The following TDRD5 variants were observed in gnomAD, a reference collection of about 807,000 sequenced individuals.
The protein encoded by TDRD5 is tudor domain-containing protein 5.
Under a neutral mutation model 120.6 loss-of-function variants are expected in TDRD5, and 41 were observed. The observed-to-expected ratio is 0.34, with a 90% confidence interval of 0.26 to 0.44. The LOEUF (loss-of-function observed/expected upper bound fraction) is 0.44. Ranked by LOEUF, TDRD5 falls within the 20% of genes least tolerant of loss-of-function variation. TDRD5 has a pLI of 1.00. For missense variants in TDRD5, 1,006 were observed against 1,221.2 expected, an observed-to-expected ratio of 0.82 and a Z score of 2.63; for synonymous variants, 430 against 433.7, an observed-to-expected ratio of 0.99 and a Z score of 0.11.
intron 14 of TDRD5, among the ~76,000 whole-genome samples, chr1:179,660,223 T>G (rs1314378292): frequency 7.7e-6 from 1 of 129,402 alleles, no homozygotes; most frequent in South Asian, 2.8e-4. Context: ...TTTTTTTTTT[T>G]TTTTTTTTTT....
intron 6 of TDRD5, among the ~76,000 whole-genome samples, chr1:179,628,814 A>G (rs1336854333): frequency 6.6e-6 from 1 of 152,188 alleles, no homozygotes. Context: ...TATGTAATCT[A>G]TTATGTTGAA....
At chr1:179,669,618 G>T (rs975766971) in intron 17 of TDRD5, among the ~76,000 whole-genome samples, 7 of 152,084 alleles carry the variant, frequency 4.6e-5, no homozygotes, top group Admixed American at 1.3e-4. Context: ...TTTTGCCGGA[G>T]GGGTGGGGCG....
At position 179,691,009 on chromosome 1, in the gene TDRD5, A is replaced by T. The variant is rs1681123085; in HGVS notation, c.*66A>T. The T allele has an allele frequency of 6.5e-7, 1 of 1,541,640 alleles. No individual in the cohort carries two copies. The highest frequency in any genetic ancestry group is 8.7e-7 in the Non-Finnish European group (1 of 1,150,660). ...TAGGCTTTGATGAACTCCCAGGCCA[A>T]AATGAGGAGTTATTGAAGCAAAATA... On this transcript the variant is annotated 3_prime_UTR_variant, in exon 18 of 18. Coordinates refer to ENST00000444136, the MANE Select transcript of TDRD5 (RefSeq NM_001199085.3).
intron 4 of TDRD5, among the ~76,000 whole-genome samples, chr1:179,608,461 T>C (rs1027067150): frequency 5.9e-5 from 9 of 152,068 alleles, no homozygotes; most frequent in Admixed American, 2.6e-4. Context: ...TACAATTCTC[T>C]TTTTTCCCCA....
At chr1:179,593,416 G>T (rs1335113264) in intron 2 of TDRD5, 44 bp from the exon 3 acceptor site, 14 of 1,573,504 alleles carry the variant, frequency 8.9e-6, no homozygotes, top group Non-Finnish European at 1.2e-5. Context: ...AAAGAAGGGA[G>T]TAAGTTTTCC....
intron 17 of TDRD5, among the ~76,000 whole-genome samples, chr1:179,675,058 T>C (rs987635481): frequency 2.0e-5 from 3 of 151,966 alleles, no homozygotes; most frequent in Non-Finnish European, 4.4e-5. Context: ...TGATCCTGGT[T>C]ATTTCCTTTC....
chr1:179,652,811 A>G (rs1678793112), intron 13 of TDRD5, among the ~76,000 whole-genome samples: 1 of 152,222 alleles, frequency 6.6e-6, no homozygotes, highest in Non-Finnish European at 1.5e-5. Flanking sequence ...TCACAAGTGG[A>G]AAGTTCCACA....
At chr1:179,666,277 A>G (rs1240315668) in intron 16 of TDRD5, among the ~76,000 whole-genome samples, 1 of 152,208 alleles carries the variant, frequency 6.6e-6, no homozygotes, top group African/African-American at 2.4e-5. Context: ...TTCCATTTCA[A>G]TACTTACAAA....
intron 9 of TDRD5, among the ~76,000 whole-genome samples, chr1:179,638,173 T>C (rs2102021254): frequency 7.6e-6 from 1 of 131,644 alleles, no homozygotes; most frequent in Middle Eastern, 3.7e-3. Flanking sequence ...TCTCTTATTC[T>C]GGGGAAGCAC....
intron 4 of TDRD5, among the ~76,000 whole-genome samples, chr1:179,608,392 C>T (rs924395676): frequency 1.3e-5 from 2 of 152,020 alleles, no homozygotes; most frequent in African/African-American, 2.4e-5. Flanking sequence ...TTTTGGAGTA[C>T]AATCACATCT....
At chr1:179,686,697 T>C (rs1680738205) in intron 17 of TDRD5, among the ~76,000 whole-genome samples, 1 of 152,240 alleles carries the variant, frequency 6.6e-6, no homozygotes, top group Non-Finnish European at 1.5e-5. Flanking sequence ...TGGTAGGCTA[T>C]TAATTATTGC....
chr1:179,633,191 A>G (rs1475387230), intron 7 of TDRD5, among the ~76,000 whole-genome samples: 1 of 152,180 alleles, frequency 6.6e-6, no homozygotes, highest in African/African-American at 2.4e-5. Context: ...GAAGTTATAT[A>G]TAATAATAAT....
chr1:179,633,188 T>TA (rs1427327592), intron 7 of TDRD5, among the ~76,000 whole-genome samples: 1 of 152,164 alleles, frequency 6.6e-6, no homozygotes, highest in East Asian at 1.9e-4. Flanking sequence ...TTTGAAGTTA[T>TA]ATATAATAAT....
chr1:179,609,277 T>A (rs1676156586), intron 4 of TDRD5, among the ~76,000 whole-genome samples: 1 of 152,180 alleles, frequency 6.6e-6, no homozygotes, highest in Non-Finnish European at 1.5e-5. Context: ...GGAGATGGGA[T>A]CCCAGTCTAA....
intron 1 of TDRD5, chr1:179,592,392 C>G (rs35577489): frequency 0.22 from 111,484 of 512,562 alleles, 12,788 homozygotes; most frequent in East Asian, 0.33. Context: ...GGGCAGAGTT[C>G]TTGACACCTG....
rs1206517468 is a variant in TDRD5 at position 179,663,444 on chromosome 1, G to A, written c.2602G>A (p.Val868Ile). 3 of 1,613,536 alleles carry A rather than the reference G, an allele frequency of 1.9e-6. No individual in the cohort carries two copies. The highest frequency in any genetic ancestry group is 2.5e-6 in the Non-Finnish European group (3 of 1,179,856). Residue 868 changes from valine to isoleucine, a missense_variant, in exon 16 of 18, where the codon GTA becomes ATA. Physicochemically the swap from Val to Ile is conservative, Grantham distance 29. Around this residue, in one of 3 missense-constraint regions of TDRD5, gnomAD observed 403 missense variants for 448.1 expected, o/e 0.90. Transcript: ENST00000444136. ...GTKVEVHKPE[V>I]LGAQEKNTGT... ...GAAAGTAGAAGTTCATAAGCCAGAA[G>A]TACTGGGTGCTCAGGAAAAAAATAC...
intron 4 of TDRD5, among the ~76,000 whole-genome samples, chr1:179,606,112 T>A (rs1675967261): frequency 6.6e-6 from 1 of 151,570 alleles, no homozygotes; most frequent in South Asian, 2.1e-4. Flanking sequence ...TTGGTGTTGC[T>A]AGTGTTTTAG....
chr1:179,622,156 C>T (rs1359291356), intron 6 of TDRD5, among the ~76,000 whole-genome samples: 4 of 152,178 alleles, frequency 2.6e-5, no homozygotes, highest in African/African-American at 9.6e-5. Context: ...AAGCTCTGCT[C>T]AGATCTCTGC....
chr1:179,669,441 C>T, intron 17 of TDRD5, 37 bp downstream of exon 17: 1 of 1,608,300 alleles, frequency 6.2e-7, no homozygotes, highest in South Asian at 1.1e-5. Flanking sequence ...TCACAGTTGA[C>T]AAACATGATG....
Sources: allele counts gnomAD v4.1 joint callset (sites outside exome capture counted in the v4.1 genomes callset), GRCh38; gene constraint gnomAD v4.1.1; regional missense constraint gnomAD v4.1.1; transcripts MANE v1.5; gene names NCBI Gene and HGNC (gene_info 2026-07-23, HGNC 2026-07-21).